Variants in CCNH observed in about 807,000 individuals in gnomAD.
CCNH encodes the protein cyclin H.
In CCNH, 31 loss-of-function variants were observed where a neutral mutation model predicts 41.9. That is an observed-to-expected ratio of 0.74 (90% CI 0.56 to 1.00). The LOEUF is 1.00. Among genes scored for constraint, CCNH ranks in the 50% least tolerant of loss-of-function variants. The probability of loss-of-function intolerance (pLI) is 0.00; values close to 1 mark genes in which losing one functional copy is unlikely to be tolerated. For synonymous variants in CCNH, 138 were observed against 136.1 expected, an observed-to-expected ratio of 1.01 and a Z score of -0.10; for missense variants, 362 against 388.4, an observed-to-expected ratio of 0.93 and a Z score of 0.57.
downstream of CCNH, among the ~76,000 whole-genome samples, chr5:87,388,906 A>ATTGT (rs1220396476): frequency 1.3e-5 from 2 of 152,142 alleles, no homozygotes; most frequent in African/African-American, 2.4e-5. Flanking sequence ...TACAAAGCTA[A>ATTGT]TTGTTAGGAA....
intron 1 of CCNH, 55 bp downstream of exon 1, chr5:87,412,623 C>G (rs1250100758): frequency 1.9e-6 from 3 of 1,599,388 alleles, no homozygotes; most frequent in African/African-American, 2.7e-5. Context: ...AGAGCTCCCG[C>G]AGCTGCTCAG....
chr5:87,389,629 TA>T, downstream of CCNH: 1 of 1,477,628 alleles, frequency 6.8e-7, no homozygotes, highest in Non-Finnish European at 9.3e-7. Context: ...CTTGTTACAT[TA>T]AATTTTTGAG....
At chr5:87,390,062 CAGT>C (rs1762384623), downstream of CCNH, among the ~76,000 whole-genome samples, 1 of 152,130 alleles carries the variant, frequency 6.6e-6, no homozygotes, top group Non-Finnish European at 1.5e-5. Flanking sequence ...CTTTGAGAAA[CAGT>C]AGACTACATT....
intron 8 of CCNH, 76 bp downstream of exon 8, chr5:87,394,968 A>C: frequency 6.2e-7 from 1 of 1,602,730 alleles, no homozygotes; most frequent in Non-Finnish European, 8.5e-7. Flanking sequence ...CTCTTGGAGA[A>C]TAAATCTTAA....
At chr5:87,366,805 G>A (rs1760556062) in intron 9 of CCNH, among the ~76,000 whole-genome samples, 1 of 152,176 alleles carries the variant, frequency 6.6e-6, no homozygotes, top group Admixed American at 6.5e-5. Flanking sequence ...CCCAAGGTGG[G>A]CTGATCGCTT....
intron 9 of CCNH, chr5:87,349,454 A>C: frequency 7.0e-7 from 1 of 1,430,276 alleles, no homozygotes; most frequent in Non-Finnish European, 9.6e-7. Flanking sequence ...ATTATATAAA[A>C]GTTTCTAACT....
At chr5:87,385,385 C>G in intron 9 of CCNH, 1 of 1,595,430 alleles carries the variant, frequency 6.3e-7, no homozygotes, top group Non-Finnish European at 8.6e-7. Flanking sequence ...GAATTTGGAG[C>G]TAAGGTAAAA....
At chr5:87,329,187 G>A (rs1757439513) in intron 9 of CCNH, among the ~76,000 whole-genome samples, 1 of 151,788 alleles carries the variant, frequency 6.6e-6, no homozygotes, top group African/African-American at 2.4e-5. Flanking sequence ...GCTCACACCT[G>A]TAATCCTAGC....
At position 87,346,375 on chromosome 5, in the gene CCNH, G is replaced by GA. The variant is rs1286113562; in HGVS notation, c.*91-27479dup. Reference sequence around the variant, plus strand: ...CCTCCTTCCCCTTACCCCACAAAAAGAAAAAAAAGACCTATAACAGTCTGT... The same window carrying GA: ...CCTCCTTCCCCTTACCCCACAAAAAGAAAAAAAAAGACCTATAACAGTCTGT... On this transcript the variant is annotated intron_variant and NMD_transcript_variant, in intron 9 of 9. Coordinates refer to the CCNH transcript ENST00000645953. Among the ~76,000 whole-genome samples the GA allele has an allele frequency of 6.6e-5, 10 of 150,886 alleles. No homozygotes were observed. In the Middle Eastern group the frequency reaches 0.01, roughly 155 times the overall value.
chr5:87,313,806 C>T (rs1194301235), downstream of CCNH, among the ~76,000 whole-genome samples: 1 of 152,164 alleles, frequency 6.6e-6, no homozygotes. Context: ...AGAGAGATTT[C>T]TGTAGACAAA....
At chr5:87,351,047 C>T (rs1285708349) in intron 9 of CCNH, among the ~76,000 whole-genome samples, 4 of 151,378 alleles carry the variant, frequency 2.6e-5, no homozygotes, top group African/African-American at 4.8e-5. Context: ...ATAAATCTGT[C>T]GAACACAGCC....
intron 9 of CCNH, chr5:87,331,170 G>A: frequency 1.1e-6 from 1 of 911,830 alleles, no homozygotes. Flanking sequence ...AAGTAAATGA[G>A]TATTTTTTGA....
At chr5:87,312,270 C>T in the CCNH span, among the ~76,000 whole-genome samples, 1 of 152,218 alleles carries the variant, frequency 6.6e-6, no homozygotes. Context: ...TATAGAGCAA[C>T]ATATTGAATG....
chr5:87,362,749 A>G, intron 9 of CCNH: 1 of 1,491,996 alleles, frequency 6.7e-7, no homozygotes, highest in Non-Finnish European at 9.3e-7. Context: ...TGTGATATAT[A>G]TTTAATAAGT....
chr5:87,412,011 G>A (rs1764287472), intron 1 of CCNH, among the ~76,000 whole-genome samples: 1 of 152,184 alleles, frequency 6.6e-6, no homozygotes, highest in South Asian at 2.1e-4. Context: ...ACCATCTTCA[G>A]TCACTTGGTT....
chr5:87,338,536 A>ATATATATTTTTTTTTTT, intron 9 of CCNH, among the ~76,000 whole-genome samples: 1 of 85,216 alleles, frequency 1.2e-5, no homozygotes. Context: ...TATATATAAA[A>ATATATATTTTTTTTTTT]TTTTTTTTTT....
At position 87,385,326 on chromosome 5, in the gene CCNH, A is replaced by G. The variant is rs755938499; in HGVS notation, c.*90+7444T>C. Reference sequence around the variant, plus strand: ...ATTCTCCATCTCCTATTGCTGCAAGAACACTGATATTAGTGGCTAAATCTG... The same window carrying G: ...ATTCTCCATCTCCTATTGCTGCAAGGACACTGATATTAGTGGCTAAATCTG... On this transcript the variant is annotated intron_variant and NMD_transcript_variant, in intron 9 of 9. Transcript: ENST00000645953. 1.2e-6 allele frequency: 2 copies of G among 1,611,106 alleles called. No individual in the cohort carries two copies. Among genetic ancestry groups the G allele is most frequent in the Non-Finnish European group, 1.7e-6 (2 of 1,177,570 alleles).
At chr5:87,353,935 G>C (rs1389452068) in intron 9 of CCNH, among the ~76,000 whole-genome samples, 1 of 152,044 alleles carries the variant, frequency 6.6e-6, no homozygotes, top group Admixed American at 6.6e-5. Context: ...GTTAGAAAAA[G>C]GTGCTTCAAA....
intron 9 of CCNH, among the ~76,000 whole-genome samples, chr5:87,348,679 C>T (rs1190967260): frequency 2.7e-5 from 4 of 150,398 alleles, no homozygotes; most frequent in Non-Finnish European, 3.0e-5. Context: ...GCTGTGTTGT[C>T]CAGGCTGGTA....
Sources: gnomAD v4.1 joint callset for allele counts (sites outside exome capture counted in the v4.1 genomes callset) on GRCh38, gnomAD v4.1.1 for gene constraint, MANE v1.5 for transcripts, NCBI Gene and HGNC (gene_info 2026-07-23, HGNC 2026-07-21) for gene names.